Variants in MAGI1 observed in about 807,000 individuals in gnomAD.
MAGI1 encodes membrane associated guanylate kinase, WW and PDZ domain containing 1.
MAGI1 carries 58 observed loss-of-function variants against 139.9 expected under a neutral mutation model. That is an observed-to-expected ratio of 0.41 (90% CI 0.34 to 0.52). The LOEUF (loss-of-function observed/expected upper bound fraction) is 0.52, where lower values mean the gene tolerates loss of function less well. MAGI1 is among the 20% of genes least tolerant of loss of function. The probability of loss-of-function intolerance (pLI) is 0.12; values close to 1 mark genes in which losing one functional copy is unlikely to be tolerated. For synonymous variants in MAGI1, 812 were observed against 737.9 expected (o/e 1.10, Z -1.63); for missense variants, 1,874 against 1,901.6 (o/e 0.99, Z 0.27).
At chr3:65,360,460 G>A in intron 22 of MAGI1, 1 of 983,012 alleles carries the variant, frequency 1.0e-6, no homozygotes, top group Non-Finnish European at 1.2e-6. Context: ...AAAGATCATT[G>A]CTGTCTACTC....
chr3:65,426,748 G>A (rs1268281268), intron 12 of MAGI1, among the ~76,000 whole-genome samples: 2 of 152,128 alleles, frequency 1.3e-5, no homozygotes, highest in Admixed American at 6.6e-5. Context: ...ATGCCTTCCA[G>A]AAAGATTAAT....
At chr3:65,583,460 C>G in intron 2 of MAGI1, among the ~76,000 whole-genome samples, 1 of 152,114 alleles carries the variant, frequency 6.6e-6, no homozygotes, top group East Asian at 1.9e-4. Context: ...TCTCTAATCT[C>G]TAACTAGAAC....
At chr3:65,890,225 C>T (rs2060690932) in intron 1 of MAGI1, among the ~76,000 whole-genome samples, 1 of 152,040 alleles carries the variant, frequency 6.6e-6, no homozygotes, top group Non-Finnish European at 1.5e-5. Flanking sequence ...ATTAGCCGGG[C>T]GTGGTGGCGG....
chr3:65,879,176 C>T (rs2060231573), intron 1 of MAGI1, among the ~76,000 whole-genome samples: 11 of 152,116 alleles, frequency 7.2e-5, no homozygotes, highest in Admixed American at 6.5e-4. Context: ...GCACCAGACT[C>T]GGCCGAAAAT....
intron 1 of MAGI1, among the ~76,000 whole-genome samples, chr3:65,852,141 G>C (rs1471610685): frequency 1.3e-5 from 2 of 152,204 alleles, no homozygotes; most frequent in Admixed American, 1.3e-4. Flanking sequence ...TACCAAGCAA[G>C]TTCATGCATC....
intron 1 of MAGI1, among the ~76,000 whole-genome samples, chr3:66,012,896 C>T (rs907953783): frequency 9.2e-5 from 14 of 152,112 alleles, no homozygotes; most frequent in African/African-American, 3.1e-4. Flanking sequence ...GCAGCTCTTT[C>T]CCACCCATCC....
At chr3:66,009,556 C>A (rs2067214367) in intron 1 of MAGI1, among the ~76,000 whole-genome samples, 1 of 152,004 alleles carries the variant, frequency 6.6e-6, no homozygotes, top group Non-Finnish European at 1.5e-5. Context: ...CCTGGTTCTA[C>A]CCCTGACTAC....
chr3:65,952,372 T>G (rs1475977861), intron 1 of MAGI1, among the ~76,000 whole-genome samples: 3 of 152,212 alleles, frequency 2.0e-5, no homozygotes, highest in Non-Finnish European at 4.4e-5. Context: ...TGCACTTGTT[T>G]TTTTCCGATA....
At chr3:65,808,010 C>CA (rs1220775203) in intron 1 of MAGI1, among the ~76,000 whole-genome samples, 2 of 143,504 alleles carry the variant, frequency 1.4e-5, no homozygotes, top group Non-Finnish European at 3.1e-5. Flanking sequence ...GAGGTCAGGA[C>CA]TTTTTTTTTT....
At chr3:65,481,295 A>G (rs572198429) in intron 3 of MAGI1, among the ~76,000 whole-genome samples, 7 of 152,344 alleles carry the variant, frequency 4.6e-5, no homozygotes, top group Non-Finnish European at 1.0e-4. Flanking sequence ...AGCACGTGTC[A>G]AACAAGAAAT....
intron 2 of MAGI1, among the ~76,000 whole-genome samples, chr3:65,621,442 G>A (rs1057379095): frequency 2.6e-5 from 4 of 152,138 alleles, no homozygotes; most frequent in Admixed American, 2.6e-4. Context: ...TCATTTCTTT[G>A]AACAAAATTA....
At chr3:65,745,053 C>G (rs368681106) in intron 1 of MAGI1, among the ~76,000 whole-genome samples, 3 of 152,116 alleles carry the variant, frequency 2.0e-5, no homozygotes, top group East Asian at 3.9e-4. Flanking sequence ...CAGAATCATA[C>G]AGTGTTGGTC....
At chr3:65,803,524 A>T (rs1397720378) in intron 1 of MAGI1, among the ~76,000 whole-genome samples, 1 of 152,188 alleles carries the variant, frequency 6.6e-6, no homozygotes, top group East Asian at 1.9e-4. Flanking sequence ...TCATTTGAGC[A>T]TGTCAGCAGG....
rs569948981 is a variant in MAGI1 at position 65,519,808 on chromosome 3, T to C, written c.431-26177A>G. ...CAGTAATTGAAGTTACAGATTGTGA[T>C]AGGTTATTCTTCCCATTAAGATGTG... On this transcript the variant is annotated intron_variant, in intron 2 of 22. Coordinates refer to ENST00000402939, the MANE Select transcript of MAGI1 (RefSeq NM_001033057.2). Among the ~76,000 whole-genome samples, 33 of 152,318 alleles carry C rather than the reference T, an allele frequency of 2.2e-4. No homozygotes were observed. In the South Asian group the frequency reaches 6.6e-3, roughly 31 times the overall value.
At chr3:66,023,464 C>T (rs566046357) in intron 1 of MAGI1, among the ~76,000 whole-genome samples, 7 of 152,102 alleles carry the variant, frequency 4.6e-5, no homozygotes, top group Non-Finnish European at 1.0e-4. Flanking sequence ...ACCTGGTGCC[C>T]GACATGAATT....
rs558312537 is a variant in MAGI1, at chr3:65,975,730, C to T, written c.313+62266G>A. 2.0e-5 allele frequency among the ~76,000 whole-genome samples: 3 copies of T among 152,178 alleles called. No homozygotes were observed. The South Asian group carries it at 6.2e-4, about 32-fold the overall frequency. On this transcript the variant is annotated intron_variant, in intron 1 of 22. Coordinates refer to ENST00000402939, the MANE Select transcript of MAGI1 (RefSeq NM_001033057.2). ...TTACACTGATTTCTCTCTAGTTTTT[C>T]CTTTGCAATGAAATGTCACTCAGAC... is the stretch of plus-strand genomic sequence containing the variant.
chr3:65,988,613 G>C (rs1018745235), intron 1 of MAGI1, among the ~76,000 whole-genome samples: 1 of 152,170 alleles, frequency 6.6e-6, no homozygotes, highest in Admixed American at 6.5e-5. Context: ...ACCATAATCA[G>C]ATCAGCCTGT....
intron 13 of MAGI1, among the ~76,000 whole-genome samples, chr3:65,395,279 A>G (rs1257297983): frequency 6.6e-6 from 1 of 151,986 alleles, no homozygotes; most frequent in Non-Finnish European, 1.5e-5. Context: ...AATATAATCT[A>G]TTGATAGCAA....
intron 1 of MAGI1, among the ~76,000 whole-genome samples, chr3:65,759,144 C>T (rs907254954): frequency 2.5e-4 from 37 of 149,948 alleles, no homozygotes; most frequent in African/African-American, 9.1e-4. Context: ...TAGTGTCTCC[C>T]GATGGGTTAG....
Sources: gnomAD v4.1 joint callset for allele counts (sites outside exome capture counted in the v4.1 genomes callset) on GRCh38, gnomAD v4.1.1 for gene constraint, MANE v1.5 for transcripts, NCBI Gene and HGNC (gene_info 2026-07-23, HGNC 2026-07-21) for gene names.